PCDH19: variants seen among roughly 807,000 people sequenced by gnomAD.
The protein encoded by PCDH19 is protocadherin-19.
PCDH19 carries 6 observed loss-of-function variants against 46.2 expected under a neutral mutation model. That is an observed-to-expected ratio of 0.13 (90% CI 0.07 to 0.26). The LOEUF (loss-of-function observed/expected upper bound fraction) is 0.26, where lower values mean the gene tolerates loss of function less well. Among genes scored for constraint, PCDH19 ranks in the 10% least tolerant of loss-of-function variants. The pLI, the probability that PCDH19 is intolerant of heterozygous loss-of-function variation, is 1.00. For missense variants in PCDH19, 740 were observed against 972.3 expected, an observed-to-expected ratio of 0.76 and a Z score of 3.18; for synonymous variants, 481 against 415.7, an observed-to-expected ratio of 1.16 and a Z score of -1.91.
chrX:100,324,594 A>C (rs1925620288), intron 5 of PCDH19, among the ~76,000 whole-genome samples: 1 of 112,446 alleles, frequency 8.9e-6, no homozygotes, highest in African/African-American at 3.2e-5. Context: ...ACAGGAAAAA[A>C]GCAAATTAAC....
At chrX:100,379,106 G>A (rs1217606543) in intron 3 of PCDH19, among the ~76,000 whole-genome samples, 1 of 111,067 alleles carries the variant, frequency 9.0e-6, no homozygotes, top group Non-Finnish European at 1.9e-5. Flanking sequence ...AGTCAGATTA[G>A]GGAAGAAGAT....
intron 1 of PCDH19, among the ~76,000 whole-genome samples, chrX:100,403,939 T>TA (rs1221330151): frequency 8.9e-6 from 1 of 112,145 alleles, no homozygotes; most frequent in Admixed American, 9.4e-5. Context: ...AGCAAAACAA[T>TA]AGGGTTAATA....
Position 100,407,002 on chromosome X carries a change from C to T in PCDH19, c.1596G>A (p.Lys532=), listed in dbSNP as rs1477693094. 3.3e-6 allele frequency: 4 copies of T among 1,210,018 alleles called. No individual in the cohort carries two copies. The highest frequency in any genetic ancestry group is 5.9e-5 in the East Asian group (2 of 33,731). Residue 532 remains lysine (K), a synonymous_variant, in exon 1 of 6, where the codon AAG becomes AAA. Transcript: ENST00000373034. ...NHEQTKAFEF[K]VLAKDGGLPS... ...GAAGGCCGCCGTCCTTGGCCAGCAC[C>T]TTGAATTCGAACGCCTTGGTCTGCT...
At chrX:100,381,710 A>C (rs1927557814) in intron 3 of PCDH19, among the ~76,000 whole-genome samples, 1 of 112,235 alleles carries the variant, frequency 8.9e-6, no homozygotes, top group East Asian at 2.8e-4. Flanking sequence ...CCACTCCTAA[A>C]ATTAATTTAA....
At chrX:100,363,729 TTTATATATATAAATAA>T (rs1926977243) in intron 3 of PCDH19, among the ~76,000 whole-genome samples, 1 of 85,329 alleles carries the variant, frequency 1.2e-5, no homozygotes, top group Non-Finnish European at 2.4e-5. Flanking sequence ...ATATATTTAT[TTTATATATATAAATAA>T]TATATATATA....
At chrX:100,314,794 T>C (rs1052828393) in intron 5 of PCDH19, among the ~76,000 whole-genome samples, 6 of 111,608 alleles carry the variant, frequency 5.4e-5, no homozygotes, top group African/African-American at 2.0e-4. Context: ...ATAAGAAGGG[T>C]CCCCTGGAGT....
At chrX:100,398,609 T>C (rs1928089758) in intron 3 of PCDH19, among the ~76,000 whole-genome samples, 1 of 112,091 alleles carries the variant, frequency 8.9e-6, no homozygotes, top group African/African-American at 3.2e-5. Context: ...TGGGTGATCT[T>C]AGCTCCCCAA....
chrX:100,389,731 G>A (rs912227912), intron 3 of PCDH19, among the ~76,000 whole-genome samples: 10 of 110,965 alleles, frequency 9.0e-5, no homozygotes, highest in African/African-American at 1.6e-4. Context: ...GGTTCTCTGC[G>A]CTATAAATTT....
intron 5 of PCDH19, among the ~76,000 whole-genome samples, chrX:100,338,364 A>T (rs1335086339): frequency 1.1e-5 from 1 of 91,792 alleles, no homozygotes; most frequent in Non-Finnish European, 2.1e-5. Context: ...AAAAAAAAAA[A>T]TACAAAAATT....
intron 3 of PCDH19, among the ~76,000 whole-genome samples, chrX:100,395,996 C>G (rs919030230): frequency 8.9e-6 from 1 of 112,061 alleles, no homozygotes; most frequent in East Asian, 2.8e-4. Flanking sequence ...AGAAATCAAG[C>G]CTCTTCTCCG....
In PCDH19 at chrX:100,359,805, GTGTGTA is replaced by G. The variant is rs762678374; in HGVS notation, c.2617-9107_2617-9102del. The stretch of plus-strand genomic sequence containing the variant: ...CACACATATAAGAGTGTGTGTGTGT[GTGTGTA>G]TGTGTGTGTGTGTGTGTCTGTGTAA... On this transcript the variant is annotated intron_variant, in intron 3 of 5. Coordinates refer to ENST00000373034, the MANE Select transcript of PCDH19 (RefSeq NM_001184880.2). Among the ~76,000 whole-genome samples the G allele has an allele frequency of 4.5e-3, 422 of 93,456 alleles. 2 individuals are homozygous for G. The highest frequency in any genetic ancestry group is 0.021 in the South Asian group (32 of 1,493). 81.2% of individuals were successfully genotyped at this position (93,456 alleles called of 115,157 possible).
At chrX:100,393,327 G>A (rs1204502306) in intron 3 of PCDH19, among the ~76,000 whole-genome samples, 1 of 110,741 alleles carries the variant, frequency 9.0e-6, no homozygotes, top group Non-Finnish European at 1.9e-5. Flanking sequence ...GGGGCTCTGA[G>A]GACCTAATAT....
intron 3 of PCDH19, among the ~76,000 whole-genome samples, chrX:100,402,148 T>A (rs1362545045): frequency 1.8e-5 from 2 of 111,902 alleles, no homozygotes; most frequent in Non-Finnish European, 3.8e-5. Flanking sequence ...ATTAGAGGGT[T>A]TCATCCATTT....
At chrX:100,350,908 C>T (rs778910406) in intron 3 of PCDH19, among the ~76,000 whole-genome samples, 1 of 112,160 alleles carries the variant, frequency 8.9e-6, no homozygotes, top group South Asian at 3.7e-4. Context: ...CAGACCAGGG[C>T]GGCCTTGGCA....
intron 3 of PCDH19, among the ~76,000 whole-genome samples, chrX:100,364,527 G>A (rs972133005): frequency 1.8e-5 from 2 of 111,375 alleles, no homozygotes; most frequent in Non-Finnish European, 3.8e-5. Flanking sequence ...GAGAGAAACC[G>A]GAGGCTTGTC....
intron 3 of PCDH19, among the ~76,000 whole-genome samples, chrX:100,381,006 G>A (rs904441286): frequency 8.9e-6 from 1 of 112,066 alleles, no homozygotes; most frequent in Non-Finnish European, 1.9e-5. Context: ...CCATTATTCA[G>A]CAATAAAAAG....
chrX:100,333,856 C>T (rs1041237940), intron 5 of PCDH19, among the ~76,000 whole-genome samples: 1 of 103,710 alleles, frequency 9.6e-6, no homozygotes, highest in Non-Finnish European at 1.9e-5. Context: ...GTAGTACAAT[C>T]TCAGCTCACT....
At chrX:100,385,420 G>A (rs1010588292) in intron 3 of PCDH19, among the ~76,000 whole-genome samples, 21 of 111,257 alleles carry the variant, frequency 1.9e-4, no homozygotes, top group African/African-American at 5.9e-4. Flanking sequence ...CAAACAATCA[G>A]AGATCACAAC....
chrX:100,299,555 G>C (rs1924714362), intron 5 of PCDH19, among the ~76,000 whole-genome samples: 1 of 111,189 alleles, frequency 9.0e-6, no homozygotes, highest in Non-Finnish European at 1.9e-5. Flanking sequence ...GGAGAATAGA[G>C]AGCCCAGAGA....
Sources: gnomAD v4.1 joint callset for allele counts (sites outside exome capture counted in the v4.1 genomes callset) on GRCh38, gnomAD v4.1.1 for gene constraint, MANE v1.5 for transcripts, NCBI Gene and HGNC (gene_info 2026-07-23, HGNC 2026-07-21) for gene names.